Variants in PPP3CB observed in about 807,000 individuals in gnomAD.
PPP3CB encodes serine/threonine-protein phosphatase 2B catalytic subunit beta isoform.
A neutral mutation model predicts 66.4 loss-of-function variants in PPP3CB; 8 were observed. The ratio of observed to expected loss-of-function variants is 0.12; its 90% CI spans 0.07 to 0.22. The LOEUF (loss-of-function observed/expected upper bound fraction) is 0.22. Ranked by LOEUF, PPP3CB falls within the 10% of genes least tolerant of loss-of-function variation. PPP3CB has a pLI of 1.00. For missense variants in PPP3CB, 319 were observed against 642.5 expected, an observed-to-expected ratio of 0.50 and a Z score of 5.44; for synonymous variants, 208 against 221.2, an observed-to-expected ratio of 0.94 and a Z score of 0.53.
intron 1 of PPP3CB, among the ~76,000 whole-genome samples, chr10:73,482,542 CA>C (rs537336452): frequency 0.13 from 4,741 of 36,786 alleles, 22 homozygotes; most frequent in East Asian, 0.26. Context: ...GACTCCGTCT[CA>C]AAAAAAAAAA....
intron 1 of PPP3CB, among the ~76,000 whole-genome samples, chr10:73,492,559 T>C (rs2057096006): frequency 6.6e-6 from 1 of 152,200 alleles, no homozygotes; most frequent in African/African-American, 2.4e-5. Flanking sequence ...CGGTTAGATA[T>C]TTTTCCTAAT....
Position 73,438,129 on chromosome 10 carries a change from G to T in PPP3CB, c.*113C>A. 1 of 1,067,060 alleles carries T rather than the reference G, an allele frequency of 9.4e-7. No homozygotes were observed. The highest frequency in any genetic ancestry group is 1.3e-6 in the Non-Finnish European group (1 of 745,774). 66.1% of individuals were successfully genotyped at this position (1,067,060 alleles called of 1,614,324 possible). On this transcript the variant is annotated 3_prime_UTR_variant, in exon 14 of 14. Coordinates refer to ENST00000360663, the MANE Select transcript of PPP3CB (RefSeq NM_021132.4). ...GGGGCTAGGGTCTCAGAAGCACAAT[G>T]GTTTCTTCAGAGAGACTGTGAAATT...
At chr10:73,471,721 T>C (rs776849305) in intron 4 of PPP3CB, 108 bp from the exon 5 acceptor site, 85 of 811,708 alleles carry the variant, frequency 1.0e-4, no homozygotes, top group African/African-American at 2.7e-4. Flanking sequence ...CTCCTTTATA[T>C]CTTATAGCTA....
At chr10:73,467,808 G>A (rs1473031394) in intron 8 of PPP3CB, 130 bp from the exon 9 acceptor site, 2 of 790,762 alleles carry the variant, frequency 2.5e-6, no homozygotes, top group Non-Finnish European at 3.8e-6. Context: ...TGGAATCAGG[G>A]CTGGTAGAGG....
At chr10:73,438,939 G>C (rs1489901769) in intron 13 of PPP3CB, among the ~76,000 whole-genome samples, 2 of 151,848 alleles carry the variant, frequency 1.3e-5, no homozygotes, top group Non-Finnish European at 2.9e-5. Flanking sequence ...TGGAGGTCAA[G>C]GTCAGCCCAT....
Position 73,438,123 on chromosome 10 carries a change from C to A in PPP3CB, c.*119G>T, listed in dbSNP as rs1169535287. 5 of 1,016,758 alleles carry A rather than the reference C, an allele frequency of 4.9e-6. No individual in the cohort carries two copies. The highest frequency in any genetic ancestry group is 7.1e-6 in the Non-Finnish European group (5 of 704,012). The allele number at this position is 1,016,758 out of a possible 1,614,324, so 63.0% of individuals were successfully genotyped here. A position where few individuals can be genotyped will look rare whatever the true frequency, so the allele number is the denominator to read the frequency against. Reference sequence around the variant, plus strand: ...AGGAAGGGGGCTAGGGTCTCAGAAGCACAATGGTTTCTTCAGAGAGACTGT... The same window carrying A: ...AGGAAGGGGGCTAGGGTCTCAGAAGAACAATGGTTTCTTCAGAGAGACTGT... On this transcript the variant is annotated 3_prime_UTR_variant, in exon 14 of 14. Coordinates refer to ENST00000360663, the MANE Select transcript of PPP3CB (RefSeq NM_021132.4).
intron 10 of PPP3CB, among the ~76,000 whole-genome samples, chr10:73,449,019 A>G (rs1274260947): frequency 6.6e-6 from 1 of 152,212 alleles, no homozygotes; most frequent in African/African-American, 2.4e-5. Flanking sequence ...CATAAGACTG[A>G]AAAAAGACTG....
chr10:73,448,754 A>C (rs2056300047), intron 10 of PPP3CB: 1 of 532,744 alleles, frequency 1.9e-6, no homozygotes, highest in African/African-American at 1.9e-5. Context: ...GGGACAAATA[A>C]AAAGATAGAG....
At chr10:73,475,458 A>G (rs2056770938) in intron 3 of PPP3CB, among the ~76,000 whole-genome samples, 1 of 152,238 alleles carries the variant, frequency 6.6e-6, no homozygotes, top group Non-Finnish European at 1.5e-5. Flanking sequence ...AACACTATGA[A>G]GTATGTAATA....
intron 1 of PPP3CB, among the ~76,000 whole-genome samples, chr10:73,485,951 TA>T (rs1219932809): frequency 6.9e-5 from 4 of 58,326 alleles, no homozygotes; most frequent in Non-Finnish European, 8.9e-5. Context: ...TGTGTGTGTG[TA>T]TTTTTTTTTT....
intron 12 of PPP3CB, among the ~76,000 whole-genome samples, chr10:73,443,282 A>AGACAGAC (rs1564547013): frequency 5.0e-4 from 56 of 112,624 alleles, no homozygotes; most frequent in African/African-American, 1.8e-3. Context: ...GAAAGAAAGA[A>AGACAGAC]AGACAGAAAG....
chr10:73,470,273 C>T (rs776826471), intron 8 of PPP3CB, among the ~76,000 whole-genome samples: 1 of 151,878 alleles, frequency 6.6e-6, no homozygotes, highest in Non-Finnish European at 1.5e-5. Flanking sequence ...GGAAAGAGAA[C>T]CTAGATCAGT....
intron 1 of PPP3CB, among the ~76,000 whole-genome samples, chr10:73,483,508 T>C (rs1197393260): frequency 6.6e-6 from 1 of 151,362 alleles, no homozygotes; most frequent in Non-Finnish European, 1.5e-5. Flanking sequence ...CACAAAAAAT[T>C]AGCCAGGCAT....
chr10:73,456,846 T>C (rs1373488447), intron 9 of PPP3CB, among the ~76,000 whole-genome samples: 4 of 152,056 alleles, frequency 2.6e-5, no homozygotes, highest in African/African-American at 9.7e-5. Flanking sequence ...TTCACCAAAA[T>C]TAAAAAACTT....
intron 9 of PPP3CB, among the ~76,000 whole-genome samples, chr10:73,466,794 G>C (rs544600550): frequency 6.6e-5 from 10 of 152,166 alleles, no homozygotes; most frequent in African/African-American, 1.9e-4. Context: ...GGGGGATACT[G>C]AACAAAATGT....
intron 1 of PPP3CB, among the ~76,000 whole-genome samples, chr10:73,489,410 A>G (rs1316309130): frequency 1.3e-5 from 2 of 151,176 alleles, no homozygotes; most frequent in African/African-American, 4.9e-5. Context: ...AAAACCTTCA[A>G]TAATAATAAT....
chr10:73,463,927 G>A (rs1260603712), intron 9 of PPP3CB, among the ~76,000 whole-genome samples: 5 of 151,702 alleles, frequency 3.3e-5, no homozygotes, highest in African/African-American at 1.2e-4. Flanking sequence ...AAGCCACTGC[G>A]CCCGGCCTCT....
chr10:73,448,920 CAT>C (rs1296967682), intron 10 of PPP3CB, among the ~76,000 whole-genome samples: 1 of 152,110 alleles, frequency 6.6e-6, no homozygotes, highest in African/African-American at 2.4e-5. Context: ...TCTTAAAAGA[CAT>C]GTGCATGGAA....
chr10:73,481,635 C>CAAAAAAAAAAAAA (rs924347498), intron 1 of PPP3CB, among the ~76,000 whole-genome samples: 3 of 137,192 alleles, frequency 2.2e-5, no homozygotes, highest in African/African-American at 7.9e-5. Context: ...TAAAAAAAAA[C>CAAAAAAAAAAAAA]AAAAAAAAAA....
Sources: gnomAD v4.1 joint callset for allele counts (sites outside exome capture counted in the v4.1 genomes callset) on GRCh38, gnomAD v4.1.1 for gene constraint, MANE v1.5 for transcripts, NCBI Gene and HGNC (gene_info 2026-07-23, HGNC 2026-07-21) for gene names.